Variants in LIMA1 observed in about 807,000 individuals in gnomAD.
LIMA1 encodes LIM domain and actin binding 1.
Under a neutral mutation model 62.6 loss-of-function variants are expected in LIMA1, and 52 were observed. The observed-to-expected ratio is 0.83, with a 90% CI of 0.67 to 1.05. The LOEUF is 1.05. Ranked by LOEUF, LIMA1 falls within the 50% of genes least tolerant of loss-of-function variation. The probability of loss-of-function intolerance (pLI) is 0.00; values close to 1 mark genes in which losing one functional copy is unlikely to be tolerated. For synonymous variants in LIMA1, 302 were observed against 317.8 expected (o/e 0.95, Z 0.53); for missense variants, 780 against 902.2 (o/e 0.86, Z 1.74).
intron 2 of LIMA1, among the ~76,000 whole-genome samples, chr12:50,235,784 C>G (rs1390613406): frequency 6.6e-6 from 1 of 152,072 alleles, no homozygotes; most frequent in African/African-American, 2.4e-5. Flanking sequence ...ACTTATATTA[C>G]AGACAAAAAA....
chr12:50,261,577 T>G (rs991811432), intron 1 of LIMA1, among the ~76,000 whole-genome samples: 8 of 152,118 alleles, frequency 5.3e-5, no homozygotes, highest in Admixed American at 1.3e-4. Context: ...GGGTGACACT[T>G]TGTTCCAGAT....
At chr12:50,181,792 C>T in intron 10 of LIMA1, 112 bp downstream of exon 10, 4 of 1,135,842 alleles carry the variant, frequency 3.5e-6, no homozygotes, top group East Asian at 4.7e-5. Context: ...TATTCAAGAG[C>T]CTTCAACAGA....
At chr12:50,178,593 G>C (rs934753396) in intron 10 of LIMA1, among the ~76,000 whole-genome samples, 5 of 151,426 alleles carry the variant, frequency 3.3e-5, no homozygotes, top group African/African-American at 9.7e-5. Flanking sequence ...TCTGAGCCTT[G>C]AGAGGAATGT....
chr12:50,253,469 T>C (rs146711766), intron 1 of LIMA1, among the ~76,000 whole-genome samples: 2 of 152,306 alleles, frequency 1.3e-5, no homozygotes, highest in African/African-American at 4.8e-5. Context: ...CCAAAGTCCA[T>C]TTTCTTTCAA....
intron 9 of LIMA1, chr12:50,187,449 G>C (rs913497128): frequency 6.6e-6 from 1 of 152,120 alleles, no homozygotes; most frequent in Non-Finnish European, 1.5e-5. Context: ...AAATGGTTGG[G>C]CCAGCCCTGT....
chr12:50,201,506 T>C (rs1941050039), intron 6 of LIMA1: 1 of 984,264 alleles, frequency 1.0e-6, no homozygotes, highest in Non-Finnish European at 1.2e-6. Context: ...TAAAAGAACA[T>C]GCATTTTATT....
chr12:50,184,924 C>T (rs536895820), intron 9 of LIMA1, among the ~76,000 whole-genome samples: 5 of 152,138 alleles, frequency 3.3e-5, no homozygotes, highest in Admixed American at 2.0e-4. Context: ...CTCCACCTTC[C>T]GGGTTCAAGC....
In LIMA1 at chr12:50,272,811, G is replaced by A. The variant is rs376032811; in HGVS notation, c.-24+10609C>T. Among the ~76,000 whole-genome samples, 15 of 151,560 alleles carry A rather than the reference G, an allele frequency of 9.9e-5. No homozygotes were observed. The East Asian group carries it at 2.8e-3, about 28-fold the overall frequency. On this transcript the variant is annotated intron_variant, in intron 1 of 10. Transcript: ENST00000341247. Reference sequence around the variant, plus strand: ...CCCTGTAATCCCAGCACTTTGGGAGGCCGAGGCAGGCAGATCACGAGGTCA... The same window carrying A: ...CCCTGTAATCCCAGCACTTTGGGAGACCGAGGCAGGCAGATCACGAGGTCA...
At chr12:50,196,927 A>C (rs1200240646) in intron 7 of LIMA1, among the ~76,000 whole-genome samples, 1 of 152,202 alleles carries the variant, frequency 6.6e-6, no homozygotes, top group Non-Finnish European at 1.5e-5. Flanking sequence ...GCACTATTTT[A>C]TCTAATGATA....
Position 50,177,952 on chromosome 12 carries a change from T to C in LIMA1, c.1392A>G (p.Leu464=). The C allele has an allele frequency of 6.2e-7, 1 of 1,614,002 alleles. No individual in the cohort carries two copies. Among genetic ancestry groups the C allele is most frequent in the East Asian group, 2.2e-5 (1 of 44,880 alleles). The change falls in exon 11 of 11, where the codon CTA becomes CTG. Residue 464 remains leucine (L), a synonymous_variant. Coordinates refer to ENST00000341247, the MANE Select transcript of LIMA1 (RefSeq NM_016357.5). Reference sequence around the variant, plus strand: ...CTTCGTTTTCATTTTTGCTTGCCCATAGATCCTTGTGTGGTCTGTGCCCAA... The same window carrying C: ...CTTCGTTTTCATTTTTGCTTGCCCACAGATCCTTGTGTGGTCTGTGCCCAA... ...EGFGHRPHKD[L]WASKNENEEI...
At chr12:50,205,571 A>C (rs979051026) in intron 5 of LIMA1, among the ~76,000 whole-genome samples, 2 of 152,062 alleles carry the variant, frequency 1.3e-5, no homozygotes, top group Admixed American at 1.3e-4. Flanking sequence ...AATACAGGGT[A>C]ACCAAACCTG....
intron 4 of LIMA1, chr12:50,217,738 A>G: frequency 3.1e-6 from 1 of 318,868 alleles, no homozygotes; most frequent in Non-Finnish European, 6.1e-6. Flanking sequence ...TGTGGGCTTC[A>G]TGACCTTGAT....
chr12:50,253,365 G>A (rs1941954095), intron 1 of LIMA1, among the ~76,000 whole-genome samples: 1 of 152,140 alleles, frequency 6.6e-6, no homozygotes, highest in African/African-American at 2.4e-5. Flanking sequence ...TATATTTATG[G>A]TAACGAAATT....
intron 1 of LIMA1, among the ~76,000 whole-genome samples, chr12:50,270,604 CAAAAAAAAAAAAAA>C (rs150300834): frequency 2.8e-5 from 2 of 71,694 alleles, no homozygotes; most frequent in African/African-American, 5.1e-5. Context: ...GACCTTATCT[CAAAAAAAAAAAAAA>C]AAAAAAAAAA....
At chr12:50,200,189 T>C (rs1458100167) in intron 7 of LIMA1, among the ~76,000 whole-genome samples, 1 of 133,970 alleles carries the variant, frequency 7.5e-6, no homozygotes, top group African/African-American at 2.8e-5. Flanking sequence ...GCCACCACAC[T>C]CGGCCCGAAT....
chr12:50,189,360 T>C (rs980814426), intron 9 of LIMA1: 5 of 152,192 alleles, frequency 3.3e-5, no homozygotes, highest in African/African-American at 9.7e-5. Flanking sequence ...CTTTTATCTG[T>C]GGACCAATCA....
intron 2 of LIMA1, among the ~76,000 whole-genome samples, chr12:50,239,808 C>T (rs562048871): frequency 3.8e-4 from 58 of 151,756 alleles, no homozygotes; most frequent in Non-Finnish European, 6.6e-4. Context: ...AAAGCCTAGG[C>T]AACATGGCGA....
At chr12:50,183,682 G>A (rs1940558480) in intron 9 of LIMA1, among the ~76,000 whole-genome samples, 1 of 151,572 alleles carries the variant, frequency 6.6e-6, no homozygotes, top group East Asian at 1.9e-4. Context: ...ATGGTGGCGT[G>A]TGCCTATAGT....
chr12:50,237,740 A>G (rs188027906), intron 2 of LIMA1, among the ~76,000 whole-genome samples: 1 of 152,334 alleles, frequency 6.6e-6, no homozygotes, highest in East Asian at 1.9e-4. Flanking sequence ...ATAAAGACAG[A>G]TATACAGACC....
Sources: allele counts gnomAD v4.1 joint callset (sites outside exome capture counted in the v4.1 genomes callset), GRCh38; gene constraint gnomAD v4.1.1; transcripts MANE v1.5; gene names NCBI Gene and HGNC (gene_info 2026-07-23, HGNC 2026-07-21).